KCNIP1: variants seen among roughly 807,000 people sequenced by gnomAD.
The protein encoded by KCNIP1 is A-type potassium channel modulatory protein KCNIP1.
Under a neutral mutation model 33.0 loss-of-function variants are expected in KCNIP1, and 18 were observed. That is an observed-to-expected ratio of 0.55 (90% CI 0.38 to 0.81). KCNIP1 has a LOEUF of 0.81. Ranked by LOEUF, KCNIP1 falls within the 30% of genes least tolerant of loss-of-function variation. The pLI is 0.00. For synonymous variants in KCNIP1, 93 were observed against 98.3 expected, an observed-to-expected ratio of 0.95 and a Z score of 0.32; for missense variants, 238 against 271.6, an observed-to-expected ratio of 0.88 and a Z score of 0.87.
intron 1 of KCNIP1, among the ~76,000 whole-genome samples, chr5:170,599,002 C>T (rs1011502679): frequency 4.0e-5 from 6 of 151,458 alleles, no homozygotes; most frequent in African/African-American, 1.5e-4. Context: ...AAGACTGAGG[C>T]CCCGGCCCAT....
intron 1 of KCNIP1, among the ~76,000 whole-genome samples, chr5:170,440,963 G>A (rs980052647): frequency 3.9e-5 from 6 of 152,132 alleles, no homozygotes; most frequent in Non-Finnish European, 7.4e-5. Flanking sequence ...TCCCATTGCC[G>A]TCTGAGCTCC....
chr5:170,676,206 G>T (rs970086856), intron 1 of KCNIP1, among the ~76,000 whole-genome samples: 6 of 108,490 alleles, frequency 5.5e-5, no homozygotes, highest in Non-Finnish European at 5.8e-5. Context: ...GGAAAGGAAA[G>T]GAAAGGAAAG....
chr5:170,587,617 C>T (rs1211809483), intron 1 of KCNIP1, among the ~76,000 whole-genome samples: 1 of 152,042 alleles, frequency 6.6e-6, no homozygotes, highest in Non-Finnish European at 1.5e-5. Flanking sequence ...TGTCTCACGG[C>T]CCCTTCCTCC....
chr5:170,735,643 C>T lies in KCNIP1; in HGVS notation c.604-116C>T, dbSNP rs1764361843. On this transcript the variant is annotated intron_variant, in intron 7 of 7. Transcript: ENST00000328939. ...CACCCTTACTTCTTGTTTTTCATACCCTTGTAGAGTTTTCTCCATATAGGA... is the reference window on the plus strand; with the variant it reads ...CACCCTTACTTCTTGTTTTTCATACTCTTGTAGAGTTTTCTCCATATAGGA... 3.9e-5 allele frequency: 33 copies of T among 854,904 alleles called. No individual in the cohort carries two copies. In the South Asian group the frequency reaches 4.9e-4, roughly 13 times the overall value. 53.0% of individuals were successfully genotyped at this position (854,904 alleles called of 1,614,324 possible).
At position 170,520,786 on chromosome 5, in the gene KCNIP1, C is replaced by G. The variant is rs568754427; in HGVS notation, c.61+16153C>G. 5.4e-4 allele frequency among the ~76,000 whole-genome samples: 83 copies of G among 152,332 alleles called. 2 individuals are homozygous for G. The highest frequency in any genetic ancestry group is 5.6e-4 in the Non-Finnish European group (38 of 68,024). On this transcript the variant is annotated intron_variant, in intron 1 of 7. Transcript: ENST00000328939. ...GGGGCTGACATGCATTGCCCCTTCT[C>G]AACCCAGACACCACTTCCTTCAGGG...
At chr5:170,365,517 G>A (rs957643806) in intron 1 of KCNIP1, among the ~76,000 whole-genome samples, 2 of 152,176 alleles carry the variant, frequency 1.3e-5, no homozygotes, top group Non-Finnish European at 2.9e-5. Flanking sequence ...ATGGAGAGAG[G>A]GGAACCTGCC....
In KCNIP1 at chr5:170,551,899, TGTGA is replaced by T. The variant is rs767734819; in HGVS notation, c.61+47270_61+47273del. Among the ~76,000 whole-genome samples, 402 of 151,888 alleles carry T rather than the reference TGTGA, an allele frequency of 2.6e-3. 2 individuals are homozygous for T. Among genetic ancestry groups the T allele is most frequent in the Admixed American group, 2.6e-3 (40 of 15,234 alleles). ...GTGTGTATATGAATGTGTACGAGTG[TGTGA>T]GTGTGTGTATGTATGAGTACACGTA... On this transcript the variant is annotated intron_variant, in intron 1 of 7. Transcript: ENST00000328939.
chr5:170,647,798 C>T (rs937861340), intron 1 of KCNIP1, among the ~76,000 whole-genome samples: 1 of 152,020 alleles, frequency 6.6e-6, no homozygotes, highest in Non-Finnish European at 1.5e-5. Flanking sequence ...AAAATTTAAA[C>T]CTCTGCCCTG....
intron 1 of KCNIP1, chr5:170,379,124 G>A (rs1039431771): frequency 6.6e-6 from 6 of 905,334 alleles, no homozygotes; most frequent in Non-Finnish European, 3.3e-6. Flanking sequence ...GCCATGCGCT[G>A]TACAGGTCTG....
At position 170,370,839 on chromosome 5, in the gene KCNIP1, G is replaced by A. The variant is rs7732448; in HGVS notation, c.88+16875G>A. Among the ~76,000 whole-genome samples, 89 of 152,258 alleles carry A rather than the reference G, an allele frequency of 5.8e-4. 1 individual carries two copies. The highest frequency in any genetic ancestry group is 2.1e-3 in the African/African-American group (88 of 41,556). ...GAGGGGATTTCAATTCAGAAGGGTTGGAAAGAAACAACAGAGGGGAATGAG... is the reference window on the plus strand; with the variant it reads ...GAGGGGATTTCAATTCAGAAGGGTTAGAAAGAAACAACAGAGGGGAATGAG... On this transcript the variant is annotated intron_variant, in intron 1 of 7. Transcript: ENST00000377360.
At chr5:170,401,667 T>C (rs1252081411) in intron 1 of KCNIP1, among the ~76,000 whole-genome samples, 2 of 150,550 alleles carry the variant, frequency 1.3e-5, no homozygotes, top group Non-Finnish European at 3.0e-5. Context: ...GAGGCTGAGG[T>C]GGGAGGATGG....
chr5:170,391,337 T>C (rs1754585004), intron 1 of KCNIP1, among the ~76,000 whole-genome samples: 1 of 151,454 alleles, frequency 6.6e-6, no homozygotes, highest in Non-Finnish European at 1.5e-5. Context: ...TATTTGGAAA[T>C]CATAAACAAA....
At chr5:170,357,805 G>C (rs972093421) in intron 1 of KCNIP1, among the ~76,000 whole-genome samples, 2 of 152,208 alleles carry the variant, frequency 1.3e-5, no homozygotes, top group Non-Finnish European at 2.9e-5. Flanking sequence ...GGGATTACAG[G>C]CATGAGCCAC....
In KCNIP1 at chr5:170,736,287, A is replaced by G. The variant is rs1240660210; in HGVS notation, c.*481A>G. 1 of 160,898 alleles carries G rather than the reference A, an allele frequency of 6.2e-6. No homozygotes were observed. The highest frequency in any genetic ancestry group is 1.4e-5 in the Non-Finnish European group (1 of 73,014). The allele number at this position is 160,898 out of a possible 1,614,324, so 10.0% of individuals were successfully genotyped here. On this transcript the variant is annotated 3_prime_UTR_variant, in exon 8 of 8. Transcript: ENST00000328939. ...GGTGGGAAGAATGAGAGTTATCCAG[A>G]ACAATTAGGATCTGTCATGACCAGA... is the stretch of plus-strand genomic sequence containing the variant.
chr5:170,411,715 G>A (rs1161831628), intron 1 of KCNIP1, among the ~76,000 whole-genome samples: 1 of 152,220 alleles, frequency 6.6e-6, no homozygotes, highest in Non-Finnish European at 1.5e-5. Context: ...GAGGGTTGCA[G>A]ACACTTAATA....
At chr5:170,454,300 A>G (rs1285042518) in intron 1 of KCNIP1, among the ~76,000 whole-genome samples, 2 of 152,348 alleles carry the variant, frequency 1.3e-5, no homozygotes, top group East Asian at 3.9e-4. Context: ...ATTAACTCAC[A>G]AAAGGTGGGA....
chr5:170,687,333 C>G (rs1207271456), intron 1 of KCNIP1, among the ~76,000 whole-genome samples: 1 of 152,030 alleles, frequency 6.6e-6, no homozygotes, highest in Non-Finnish European at 1.5e-5. Flanking sequence ...AGGTGCCCAC[C>G]ACCATGCCTG....
chr5:170,525,920 G>A (rs191601898), intron 1 of KCNIP1, among the ~76,000 whole-genome samples: 30 of 152,340 alleles, frequency 2.0e-4, no homozygotes, highest in Admixed American at 7.2e-4. Context: ...GGGCTTCTGT[G>A]TCAGAGTCAC....
At chr5:170,404,070 T>C (rs1200407838) in intron 1 of KCNIP1, among the ~76,000 whole-genome samples, 1 of 152,126 alleles carries the variant, frequency 6.6e-6, no homozygotes, top group Non-Finnish European at 1.5e-5. Context: ...GCATCTCTTG[T>C]GGGCAGGAGG....
Sources: gnomAD v4.1 joint callset for allele counts (sites outside exome capture counted in the v4.1 genomes callset) on GRCh38, gnomAD v4.1.1 for gene constraint, MANE v1.5 for transcripts, NCBI Gene and HGNC (gene_info 2026-07-23, HGNC 2026-07-21) for gene names.